The following IQCM variants were observed in gnomAD, a reference collection of about 807,000 sequenced individuals.
IQCM encodes IQ domain-containing protein M.
In IQCM, 45 loss-of-function variants were observed where a neutral mutation model predicts 57.6. The ratio of observed to expected loss-of-function variants is 0.78; its 90% CI spans 0.62 to 1.00. IQCM has a LOEUF of 1.00. IQCM is among the 50% of genes least tolerant of loss of function. The pLI, the probability that IQCM is intolerant of heterozygous loss-of-function variation, is 0.00. For missense variants in IQCM, 468 were observed against 511.6 expected (o/e 0.91, Z 0.82); for synonymous variants, 148 against 158.9 (o/e 0.93, Z 0.51).
chr4:149,483,873 G>A (rs774646290), intron 12 of IQCM, among the ~76,000 whole-genome samples: 1 of 151,778 alleles, frequency 6.6e-6, no homozygotes, highest in Non-Finnish European at 1.5e-5. Context: ...GGGGTGTTGA[G>A]GTCTCCAGCT....
chr4:149,797,238 C>A (rs974722461), intron 2 of IQCM, among the ~76,000 whole-genome samples: 3 of 151,994 alleles, frequency 2.0e-5, no homozygotes, highest in Admixed American at 1.3e-4. Flanking sequence ...TAAAAAGAAT[C>A]AAGTAGAAAT....
At chr4:149,354,385 A>AAAAAAAAAAC in intron 13 of IQCM, among the ~76,000 whole-genome samples, 1 of 144,840 alleles carries the variant, frequency 6.9e-6, no homozygotes, top group Non-Finnish European at 1.5e-5. Context: ...AAAAAAAAAA[A>AAAAAAAAAAC]AAAACTGACA....
intron 5 of IQCM, among the ~76,000 whole-genome samples, chr4:149,723,981 T>C (rs1354655815): frequency 6.6e-6 from 1 of 151,914 alleles, no homozygotes; most frequent in Non-Finnish European, 1.5e-5. Context: ...TGCTTGTTAC[T>C]GGTCTGTTCA....
At chr4:149,627,390 C>T (rs537793021) in intron 7 of IQCM, among the ~76,000 whole-genome samples, 19 of 152,076 alleles carry the variant, frequency 1.2e-4, no homozygotes, top group Non-Finnish European at 1.5e-4. Context: ...TATTTGTAAT[C>T]GCTCACTGCA....
chr4:149,565,652 C>T (rs1268473916), intron 9 of IQCM, among the ~76,000 whole-genome samples: 1 of 152,138 alleles, frequency 6.6e-6, no homozygotes, highest in Non-Finnish European at 1.5e-5. Flanking sequence ...TTTTTTACTT[C>T]CTGACCTTCC....
intron 5 of IQCM, among the ~76,000 whole-genome samples, chr4:149,692,122 G>A (rs1762983160): frequency 6.6e-6 from 1 of 152,124 alleles, no homozygotes; most frequent in South Asian, 2.1e-4. Context: ...TACATGAGGT[G>A]TGAGCCACTA....
chr4:149,593,530 G>C (rs1294896347), intron 8 of IQCM, among the ~76,000 whole-genome samples: 1 of 152,054 alleles, frequency 6.6e-6, no homozygotes, highest in Non-Finnish European at 1.5e-5. Context: ...TCCCTGTCTT[G>C]TGCCAGTTTT....
At chr4:149,640,133 T>C (rs1181726328) in intron 7 of IQCM, among the ~76,000 whole-genome samples, 1 of 152,202 alleles carries the variant, frequency 6.6e-6, no homozygotes, top group Non-Finnish European at 1.5e-5. Context: ...TTTAGAATTT[T>C]AGAAAATTGT....
At chr4:149,671,879 A>G (rs1761319649) in intron 7 of IQCM, among the ~76,000 whole-genome samples, 1 of 152,100 alleles carries the variant, frequency 6.6e-6, no homozygotes, top group Non-Finnish European at 1.5e-5. Context: ...ACATTTGCTG[A>G]GGAGTGCTTT....
At chr4:149,791,573 G>T (rs1262569153) in intron 2 of IQCM, among the ~76,000 whole-genome samples, 1 of 151,850 alleles carries the variant, frequency 6.6e-6, no homozygotes, top group African/African-American at 2.4e-5. Context: ...CTCTTTATCT[G>T]CCTCCCCCTC....
intron 10 of IQCM, among the ~76,000 whole-genome samples, chr4:149,562,517 G>A (rs1273321875): frequency 1.3e-5 from 2 of 152,124 alleles, no homozygotes; most frequent in African/African-American, 4.8e-5. Context: ...TCTCATTTTG[G>A]AGAAATTTAA....
rs182584213 is a variant in IQCM at position 149,678,227 on chromosome 4, A to G, written c.565+3891T>C. On this transcript the variant is annotated intron_variant, in intron 7 of 13. Transcript: ENST00000636793. Reference sequence around the variant, plus strand: ...CTCAAATAAGACTACTCCATGGCATATGATAATCAGACCCTCAAAGGTCAA... The same window carrying G: ...CTCAAATAAGACTACTCCATGGCATGTGATAATCAGACCCTCAAAGGTCAA... Among the ~76,000 whole-genome samples, 249 of 151,982 alleles carry G rather than the reference A, an allele frequency of 1.6e-3. 2 individuals carry two copies. The highest frequency in any genetic ancestry group is 5.6e-3 in the African/African-American group (232 of 41,538).
intron 2 of IQCM, among the ~76,000 whole-genome samples, chr4:149,749,344 A>G (rs1487143699): frequency 6.6e-6 from 1 of 152,254 alleles, no homozygotes; most frequent in African/African-American, 2.4e-5. Flanking sequence ...TATTTATACA[A>G]TGGAATATTT....
At chr4:149,464,806 T>C (rs1466271113) in intron 12 of IQCM, among the ~76,000 whole-genome samples, 1 of 152,136 alleles carries the variant, frequency 6.6e-6, no homozygotes, top group East Asian at 1.9e-4. Context: ...GTACGTAAAA[T>C]ATGGCTAATG....
chr4:149,465,862 T>C (rs1738807544), intron 12 of IQCM, among the ~76,000 whole-genome samples: 1 of 152,054 alleles, frequency 6.6e-6, no homozygotes, highest in Non-Finnish European at 1.5e-5. Flanking sequence ...GGTAGAGAAC[T>C]GTCAGGTGGC....
At chr4:149,520,964 T>C (rs530066371) in intron 12 of IQCM, among the ~76,000 whole-genome samples, 1 of 152,236 alleles carries the variant, frequency 6.6e-6, no homozygotes, top group Admixed American at 6.5e-5. Context: ...TGCTGGTGGC[T>C]TCTATGCAGG....
chr4:149,368,586 A>ATATATATATAT (rs1469105267), intron 13 of IQCM, among the ~76,000 whole-genome samples: 2 of 151,444 alleles, frequency 1.3e-5, no homozygotes, highest in Non-Finnish European at 2.9e-5. Context: ...GCTGTTTCTA[A>ATATATATATAT]GCAAGGACAT....
chr4:149,695,658 T>C (rs1763279896), intron 5 of IQCM, among the ~76,000 whole-genome samples: 1 of 152,120 alleles, frequency 6.6e-6, no homozygotes, highest in South Asian at 2.1e-4. Flanking sequence ...AGTATGCTTA[T>C]AGGTTATAGG....
At chr4:149,768,468 A>C (rs868508574) in intron 2 of IQCM, among the ~76,000 whole-genome samples, 31 of 152,264 alleles carry the variant, frequency 2.0e-4, no homozygotes, top group Middle Eastern at 6.8e-3. Flanking sequence ...AATTAAGTAG[A>C]GACATTATGC....
Sources: allele counts gnomAD v4.1 joint callset (sites outside exome capture counted in the v4.1 genomes callset), GRCh38; gene constraint gnomAD v4.1.1; transcripts MANE v1.5; gene names NCBI Gene and HGNC (gene_info 2026-07-23, HGNC 2026-07-21).